Variants in DLG3 observed in about 807,000 individuals in gnomAD.
The protein encoded by DLG3 is discs large MAGUK scaffold protein 3, also known as disks large homolog 3.
Under a neutral mutation model 64.1 loss-of-function variants are expected in DLG3, and 1 was observed. The ratio of observed to expected loss-of-function variants is 0.02; its 90% CI spans 0.01 to 0.07. The LOEUF (loss-of-function observed/expected upper bound fraction) is 0.07. Ranked by LOEUF, DLG3 falls within the 10% of genes least tolerant of loss-of-function variation. The pLI is 1.00. For missense variants in DLG3, 429 were observed against 669.5 expected, an observed-to-expected ratio of 0.64 and a Z score of 3.96; for synonymous variants, 245 against 259.8, an observed-to-expected ratio of 0.94 and a Z score of 0.55.
At chrX:70,486,235 A>T (rs1197633045) in intron 10 of DLG3, among the ~76,000 whole-genome samples, 1 of 111,988 alleles carries the variant, frequency 8.9e-6, no homozygotes, top group Non-Finnish European at 1.9e-5. Flanking sequence ...TTCCAGGAAT[A>T]CCCAGGCTCT....
intron 5 of DLG3, 78 bp downstream of exon 5, chrX:70,450,383 C>T: frequency 9.1e-7 from 1 of 1,102,381 alleles, no homozygotes; most frequent in Non-Finnish European, 1.2e-6. Context: ...CCGCCTAAAC[C>T]TCACTCAGGG....
intron 9 of DLG3, among the ~76,000 whole-genome samples, chrX:70,471,331 CTT>C (rs756585636): frequency 4.0e-5 from 4 of 100,683 alleles, no homozygotes; most frequent in Admixed American, 1.1e-4. Flanking sequence ...GAAGACATAA[CTT>C]TTTTTTTTTT....
At chrX:70,499,330 T>C in intron 15 of DLG3, 53 bp downstream of exon 15, 1 of 923,776 alleles carries the variant, frequency 1.1e-6, no homozygotes, top group Non-Finnish European at 1.6e-6. Flanking sequence ...TGGGAATTGT[T>C]GCTCTAATGT....
intron 7 of DLG3, 96 bp from the exon 8 acceptor site, chrX:70,453,541 T>G: frequency 2.6e-6 from 3 of 1,143,156 alleles, no homozygotes; most frequent in Admixed American, 2.5e-5. Flanking sequence ...ACGTCCTTAC[T>G]CCCTACAGCA....
At chrX:70,500,206 T>G (rs2147891115) in intron 16 of DLG3, among the ~76,000 whole-genome samples, 157 bp downstream of exon 16, 1 of 111,359 alleles carries the variant, frequency 9.0e-6, no homozygotes, top group Admixed American at 9.5e-5. Context: ...AAGCTATCTG[T>G]CTCCTTCATA....
At chrX:70,497,341 C>T in intron 13 of DLG3, 2 of 729,846 alleles carry the variant, frequency 2.7e-6, no homozygotes, top group African/African-American at 2.1e-5. Context: ...TAGCCATGTA[C>T]ACTTTGAGAT....
intron 10 of DLG3, among the ~76,000 whole-genome samples, chrX:70,489,411 T>C (rs1006269554): frequency 1.8e-5 from 2 of 111,719 alleles, no homozygotes; most frequent in African/African-American, 6.5e-5. Flanking sequence ...CAAGCGATTC[T>C]CCTGCCTCAG....
At chrX:70,499,316 G>A in intron 15 of DLG3, 39 bp downstream of exon 15, 1 of 1,005,921 alleles carries the variant, frequency 9.9e-7, no homozygotes, top group Non-Finnish European at 1.4e-6. Context: ...GAGGCTTGGT[G>A]CCCTGGGAAT....
rs184807200 is a variant in DLG3 at position 70,489,391 on chromosome X, C to A, written c.1521-2716C>A. On this transcript the variant is annotated intron_variant, in intron 10 of 18. Transcript: ENST00000374360. ...AATCTTGGCTCATTGCAACCTCTGC[C>A]GCCTGGGCTCAAGCGATTCTCCTGC... Among the ~76,000 whole-genome samples the A allele has an allele frequency of 6.0e-3, 673 of 111,800 alleles. 4 individuals are homozygous for A. The highest frequency in any genetic ancestry group is 0.021 in the African/African-American group (633 of 30,754).
Position 70,454,565 on chromosome X carries a change from G to A in DLG3, c.1405+249G>A, listed in dbSNP as rs918303860. ...AGGAGAAGGCCAGTAGTGGGCAGCA[G>A]CCTACTGGAAGCAGCATCCAAAGAT... On this transcript the variant is annotated intron_variant, in intron 9 of 18. Coordinates refer to ENST00000374360, the MANE Select transcript of DLG3 (RefSeq NM_021120.4). Among the ~76,000 whole-genome samples the A allele has an allele frequency of 5.4e-5, 6 of 111,936 alleles. No individual in the cohort carries two copies. In the Admixed American group the frequency reaches 5.6e-4, roughly 11 times the overall value.
chrX:70,467,307 T>C, intron 9 of DLG3, among the ~76,000 whole-genome samples: 1 of 112,366 alleles, frequency 8.9e-6, no homozygotes, highest in Non-Finnish European at 1.9e-5. Context: ...TGTTAATGAA[T>C]TACCTCAGTA....
intron 13 of DLG3, chrX:70,497,088 G>A: frequency 2.1e-6 from 2 of 938,377 alleles, no homozygotes; most frequent in Admixed American, 4.5e-5. Context: ...TGGCAGCTCA[G>A]TGTCTCGCTC....
At chrX:70,484,146 G>A (rs1371037216) in intron 10 of DLG3, among the ~76,000 whole-genome samples, 3 of 112,051 alleles carry the variant, frequency 2.7e-5, no homozygotes, top group Admixed American at 1.9e-4. Flanking sequence ...AGAGGCTCAA[G>A]AGTACAGTTG....
At chrX:70,486,286 G>A (rs995009520) in intron 10 of DLG3, among the ~76,000 whole-genome samples, 2 of 112,143 alleles carry the variant, frequency 1.8e-5, no homozygotes, top group African/African-American at 6.5e-5. Context: ...CCATAACTAA[G>A]AAGTAACATA....
At position 70,502,413 on chromosome X, in the gene DLG3, CT is replaced by C; in HGVS notation, c.*145del. On this transcript the variant is annotated 3_prime_UTR_variant, in exon 19 of 19. Transcript: ENST00000374360. ...GATATGTCAAAAAAAATTAAGTTTTCTAGTCCTGTTCTTTTTTTTTTTTTAA... is the reference window on the plus strand; with the variant it reads ...GATATGTCAAAAAAAATTAAGTTTTCAGTCCTGTTCTTTTTTTTTTTTTAA... 1 of 466,966 alleles carries C rather than the reference CT, an allele frequency of 2.1e-6. No homozygotes were observed. 38.5% of individuals were successfully genotyped at this position (466,966 alleles called of 1,213,427 possible).
At chrX:70,482,111 GATCT>G (rs2087164510) in intron 10 of DLG3, among the ~76,000 whole-genome samples, 1 of 112,389 alleles carries the variant, frequency 8.9e-6, no homozygotes, top group Admixed American at 9.4e-5. Flanking sequence ...ACCCAAGGCA[GATCT>G]CTGCTCAACA....
At chrX:70,500,821 G>A in intron 17 of DLG3, 77 bp from the exon 18 acceptor site, 1 of 1,001,993 alleles carries the variant, frequency 1.0e-6, no homozygotes, top group South Asian at 2.0e-5. Flanking sequence ...AGATTTTTAG[G>A]GATCCTGGAA....
chrX:70,473,384 C>G (rs2087003718), intron 9 of DLG3, among the ~76,000 whole-genome samples: 1 of 109,938 alleles, frequency 9.1e-6, no homozygotes, highest in African/African-American at 3.3e-5. Context: ...CTCAGGGAAA[C>G]CTTTGTTGAA....
At chrX:70,471,436 T>A (rs1474855729) in intron 9 of DLG3, among the ~76,000 whole-genome samples, 2 of 109,162 alleles carry the variant, frequency 1.8e-5, no homozygotes, top group African/African-American at 3.3e-5. Context: ...TTCACACCGT[T>A]CTCCTGCCTC....
Sources: gnomAD v4.1 joint callset for allele counts (sites outside exome capture counted in the v4.1 genomes callset) on GRCh38, gnomAD v4.1.1 for gene constraint, MANE v1.5 for transcripts, NCBI Gene and HGNC (gene_info 2026-07-23, HGNC 2026-07-21) for gene names.